The following RASGEF1C variants were observed in gnomAD, a reference collection of about 807,000 sequenced individuals.
RASGEF1C encodes ras-GEF domain-containing family member 1C.
RASGEF1C carries 27 observed loss-of-function variants against 58.1 expected under a neutral mutation model. The ratio of observed to expected loss-of-function variants is 0.46; its 90% confidence interval spans 0.34 to 0.64. The LOEUF (loss-of-function observed/expected upper bound fraction) is 0.64, where lower values mean the gene tolerates loss of function less well. Among genes scored for constraint, RASGEF1C ranks in the 30% least tolerant of loss-of-function variants. The probability of loss-of-function intolerance (pLI) is 0.01; values close to 1 mark genes in which losing one functional copy is unlikely to be tolerated. For missense variants in RASGEF1C, 502 were observed against 605.1 expected (o/e 0.83, Z 1.79); for synonymous variants, 243 against 246.3 (o/e 0.99, Z 0.13).
In RASGEF1C at chr5:180,125,800, T is replaced by G. The variant is rs1026173919; in HGVS notation, c.714+1809A>C. On this transcript the variant is annotated intron_variant, in intron 6 of 13. Transcript: ENST00000361132. ...AGACTCCATCTCAAAAAAAAAAAGC[T>G]AATCTTAATTGCTAATATAAATATT... is the stretch of plus-strand genomic sequence containing the variant. Among the ~76,000 whole-genome samples the G allele has an allele frequency of 2.6e-5, 4 of 151,886 alleles. No homozygotes were observed. The East Asian group carries it at 7.7e-4, about 29-fold the overall frequency.
At chr5:180,205,715 A>ATTATTATTATTATTAT (rs1756475288) in intron 1 of RASGEF1C, among the ~76,000 whole-genome samples, 2 of 147,122 alleles carry the variant, frequency 1.4e-5, no homozygotes, top group African/African-American at 5.0e-5. Flanking sequence ...CATTATTATA[A>ATTATTATTATTATTAT]TATTATTATT....
At position 180,137,565 on chromosome 5, in the gene RASGEF1C, C is replaced by T. The variant is rs1766504010; in HGVS notation, c.300+25G>A. 1 of 1,601,260 alleles carries T rather than the reference C, an allele frequency of 6.2e-7. No homozygotes were observed. Among genetic ancestry groups the T allele is most frequent in the African/African-American group, 1.3e-5 (1 of 74,712 alleles). ...AGGGCAGTGCTGGTACACTCTGAGA[C>T]CCCCTGGCCTGCCCTCCGCCTCACC... On this transcript the variant is annotated intron_variant, in intron 3 of 13. Transcript: ENST00000361132. The surrounding 1 kb of genome is among the most constrained non-coding windows in gnomAD (Gnocchi z 4.1).
chr5:180,119,103 G>C (rs1292060526), intron 8 of RASGEF1C, among the ~76,000 whole-genome samples: 1 of 152,224 alleles, frequency 6.6e-6, no homozygotes, highest in Non-Finnish European at 1.5e-5. Context: ...TCTGGGTCTG[G>C]GGACATACCA....
At chr5:180,104,580 C>T (rs1338180361) in intron 12 of RASGEF1C, among the ~76,000 whole-genome samples, 2 of 152,150 alleles carry the variant, frequency 1.3e-5, no homozygotes, top group African/African-American at 4.8e-5. Context: ...TACGGCAGCT[C>T]AAACTGACTA....
intron 4 of RASGEF1C, among the ~76,000 whole-genome samples, chr5:180,135,585 A>G (rs1054776079): frequency 4.6e-5 from 7 of 152,238 alleles, no homozygotes; most frequent in Non-Finnish European, 1.0e-4. Context: ...GTCTAGCTCC[A>G]TAATCCTGGG....
In RASGEF1C at chr5:180,156,224, G is replaced by A. The variant is rs1009015706; in HGVS notation, c.-6-18166C>T. On this transcript the variant is annotated intron_variant, in intron 1 of 13. Coordinates refer to ENST00000361132, the MANE Select transcript of RASGEF1C (RefSeq NM_175062.4). This position sits in a 1 kb window ranked among gnomAD's most constrained non-coding sequence, Gnocchi z 4.9. ...CTGCCTAGTTTGACAGCAGAGGGCA[G>A]GTGCATGCTGATGGTGCAAGGAGAG... Among the ~76,000 whole-genome samples the A allele has an allele frequency of 6.6e-6, 1 of 152,166 alleles. No individual in the cohort carries two copies.
intron 1 of RASGEF1C, among the ~76,000 whole-genome samples, chr5:180,179,072 G>A (rs1767278106): frequency 2.0e-5 from 3 of 152,194 alleles, no homozygotes; most frequent in Admixed American, 1.3e-4. Context: ...TGCCTGCTGA[G>A]TGAAGAACGG....
In RASGEF1C at chr5:180,127,602, C is replaced by T. The variant is rs57288534; in HGVS notation, c.714+7G>A. On this transcript the variant is annotated splice_region_variant and intron_variant, in intron 6 of 13. Transcript: ENST00000361132. ...CACTTTTGGGACAGCCCGTAAGAGC[C>T]TCCTACCTTTGTGCTGGCCAGAGGG... 263,815 of 1,608,798 alleles carry T rather than the reference C, an allele frequency of 0.16. 23,217 individuals are homozygous for T. Among genetic ancestry groups the T allele is most frequent in the Middle Eastern group, 0.22 (1,259 of 5,616 alleles).
intron 1 of RASGEF1C, among the ~76,000 whole-genome samples, chr5:180,180,759 G>C (rs1767311752): frequency 6.6e-6 from 1 of 152,336 alleles, no homozygotes; most frequent in Admixed American, 6.5e-5. Flanking sequence ...CTACATCCTG[G>C]AAAGCACACA....
At chr5:180,159,238 C>G (rs1425184774) in intron 1 of RASGEF1C, among the ~76,000 whole-genome samples, 1 of 151,718 alleles carries the variant, frequency 6.6e-6, no homozygotes, top group Non-Finnish European at 1.5e-5. Context: ...CTCCCAGGTT[C>G]AAGCGATTCT....
At chr5:180,138,327 G>A (rs1012631368) in intron 1 of RASGEF1C, 2 of 351,324 alleles carry the variant, frequency 5.7e-6, no homozygotes, top group Non-Finnish European at 1.0e-5. Context: ...TCAGGGGCAG[G>A]CCTCTTCTAG....
chr5:180,146,308 C>A (rs946442203), intron 1 of RASGEF1C, among the ~76,000 whole-genome samples: 14 of 152,120 alleles, frequency 9.2e-5, no homozygotes, highest in African/African-American at 3.1e-4. Context: ...ACACCCGGCT[C>A]ATTTTGTATT....
rs1049242061 is a variant in RASGEF1C, at chr5:180,170,000, C to T, written c.-6-31942G>A. Among the ~76,000 whole-genome samples, 72 of 152,180 alleles carry T rather than the reference C, an allele frequency of 4.7e-4. 1 individual carries two copies. The highest frequency in any genetic ancestry group is 3.9e-3 in the Admixed American group (59 of 15,284). ...CTCCACACGGCACTGGCTGCCCAGC[C>T]GCTCTCCACCCTGGACCCCGTTTCA... is the stretch of plus-strand genomic sequence containing the variant. On this transcript the variant is annotated intron_variant, in intron 1 of 13. Transcript: ENST00000361132.
intron 7 of RASGEF1C, among the ~76,000 whole-genome samples, chr5:180,120,588 G>A (rs1766151003): frequency 6.6e-6 from 1 of 152,226 alleles, no homozygotes. Flanking sequence ...GCGACTCAGG[G>A]ACAAGCACGT....
At chr5:180,172,023 C>T (rs955432536) in intron 1 of RASGEF1C, among the ~76,000 whole-genome samples, 11 of 152,180 alleles carry the variant, frequency 7.2e-5, no homozygotes, top group African/African-American at 1.9e-4. Context: ...GGCCGACACC[C>T]GCAAGGAATC....
At chr5:180,185,816 A>T (rs1756025101) in intron 1 of RASGEF1C, among the ~76,000 whole-genome samples, 1 of 151,856 alleles carries the variant, frequency 6.6e-6, no homozygotes, top group Non-Finnish European at 1.5e-5. Flanking sequence ...AACAAGACAA[A>T]GCCAAGCGTG....
At chr5:180,195,305 C>T (rs563512816) in intron 1 of RASGEF1C, among the ~76,000 whole-genome samples, 2 of 152,148 alleles carry the variant, frequency 1.3e-5, no homozygotes, top group Admixed American at 6.5e-5. Flanking sequence ...AGGGGCCTGA[C>T]TAACTCAGTG....
rs549340180 is a variant in RASGEF1C at position 180,182,200 on chromosome 5, G to A, written c.-7+26828C>T. 9.9e-3 allele frequency among the ~76,000 whole-genome samples: 586 copies of A among 59,024 alleles called. 7 individuals carry two copies. Among genetic ancestry groups the A allele is most frequent in the Non-Finnish European group, 0.01 (393 of 37,624 alleles). The allele number at this position is 59,024 out of a possible 152,430, so 38.7% of individuals were successfully genotyped here. On this transcript the variant is annotated intron_variant, in intron 1 of 13. Transcript: ENST00000361132. ...AGCCTGGGCAACAGAGCAAGACTCC[G>A]TCTCAAAAAAAAAAAAAAAAAAAAA...
chr5:180,199,725 G>A (rs949945296), intron 1 of RASGEF1C, among the ~76,000 whole-genome samples: 5 of 113,988 alleles, frequency 4.4e-5, no homozygotes, highest in East Asian at 2.9e-4. Flanking sequence ...CTTCTTTCCC[G>A]GATGGGATCT....
Sources: allele counts gnomAD v4.1 joint callset (sites outside exome capture counted in the v4.1 genomes callset), GRCh38; gene constraint gnomAD v4.1.1; non-coding constraint Gnocchi (gnomAD v3.1); transcripts MANE v1.5; gene names NCBI Gene and HGNC (gene_info 2026-07-23, HGNC 2026-07-21).